LIPA: variants seen among roughly 807,000 people sequenced by gnomAD.
LIPA encodes the protein lysosomal acid lipase/cholesteryl ester hydrolase.
A neutral mutation model predicts 40.6 loss-of-function variants in LIPA; 26 were observed. That is an observed-to-expected ratio of 0.64 (90% confidence interval 0.47 to 0.89). The LOEUF (loss-of-function observed/expected upper bound fraction) is 0.89. LIPA is among the 40% of genes least tolerant of loss of function. The pLI is 0.00. For missense variants in LIPA, 455 were observed against 479.6 expected (o/e 0.95, Z 0.48); for synonymous variants, 188 against 168.4 (o/e 1.12, Z -0.90).
intron 2 of LIPA, chr10:89,403,580 A>C: frequency 6.2e-7 from 1 of 1,614,050 alleles, no homozygotes. Flanking sequence ...GAAAGGCATT[A>C]GATCTGGAAA....
chr10:89,332,410 G>A, intron 1 of LIPA: 2 of 1,199,010 alleles, frequency 1.7e-6, no homozygotes, highest in Non-Finnish European at 2.2e-6. Flanking sequence ...CCTGGCGTGA[G>A]TGAGCTCAGT....
chr10:89,384,024 A>G, intron 2 of LIPA: 1 of 1,614,230 alleles, frequency 6.2e-7, no homozygotes, highest in South Asian at 1.1e-5. Flanking sequence ...CTGAAGGAGA[A>G]AAGTACATTG....
chr10:89,403,232 C>CA, intron 2 of LIPA: 1 of 1,614,032 alleles, frequency 6.2e-7, no homozygotes, highest in Non-Finnish European at 8.5e-7. Flanking sequence ...AAAAGCTAGA[C>CA]AAAATGATAA....
chr10:89,266,341 C>CCG (rs1554871426), intron 1 of LIPA, among the ~76,000 whole-genome samples: 3 of 151,994 alleles, frequency 2.0e-5, no homozygotes, highest in African/African-American at 7.2e-5. Flanking sequence ...CATATAAATT[C>CCG]AGTCAAGAAT....
intron 1 of LIPA, among the ~76,000 whole-genome samples, chr10:89,280,351 C>T (rs1380341543): frequency 1.3e-5 from 2 of 152,142 alleles, no homozygotes; most frequent in African/African-American, 4.8e-5. Context: ...AAAAAGTGAA[C>T]GTGCTCTCAG....
chr10:89,322,819 CA>C (rs1843579324), intron 1 of LIPA, among the ~76,000 whole-genome samples: 2 of 152,304 alleles, frequency 1.3e-5, no homozygotes, highest in East Asian at 3.9e-4. Context: ...TGAACTCAGC[CA>C]GTGACCATAG....
At chr10:89,377,967 A>T (rs1589626240) in intron 2 of LIPA, 3 of 610,434 alleles carry the variant, frequency 4.9e-6, no homozygotes, top group East Asian at 2.8e-5. Context: ...TATCATTTTC[A>T]CCCTGCCAAT....
At chr10:89,313,039 C>G (rs1376056286) in intron 1 of LIPA, among the ~76,000 whole-genome samples, 1 of 152,176 alleles carries the variant, frequency 6.6e-6, no homozygotes, top group Non-Finnish European at 1.5e-5. Context: ...TAGTCCAGCA[C>G]TGTCTTACAT....
intron 2 of LIPA, chr10:89,384,777 T>A: frequency 7.0e-7 from 1 of 1,429,728 alleles, no homozygotes; most frequent in Non-Finnish European, 9.6e-7. Flanking sequence ...GTCTTATAAC[T>A]AAATAGAATG....
intron 2 of LIPA, among the ~76,000 whole-genome samples, chr10:89,246,640 T>G (rs1843028372): frequency 1.3e-5 from 2 of 152,252 alleles, no homozygotes; most frequent in Admixed American, 6.5e-5. Context: ...GCAACATCTA[T>G]TTTAAAGTTG....
chr10:89,364,518 T>G (rs1844044635), intron 2 of LIPA, among the ~76,000 whole-genome samples: 1 of 152,120 alleles, frequency 6.6e-6, no homozygotes, highest in South Asian at 2.1e-4. Flanking sequence ...CCCATCTCTC[T>G]CCTATACTTT....
intron 1 of LIPA, among the ~76,000 whole-genome samples, chr10:89,263,233 T>C (rs1843219740): frequency 6.6e-6 from 1 of 152,220 alleles, no homozygotes; most frequent in Non-Finnish European, 1.5e-5. Context: ...GAATTTCTGC[T>C]GGATGACAAC....
chr10:89,329,366 GA>G (rs1843628309), intron 1 of LIPA, among the ~76,000 whole-genome samples: 1 of 152,178 alleles, frequency 6.6e-6, no homozygotes, highest in East Asian at 1.9e-4. Context: ...GAGTGGGATT[GA>G]CCAGAGAGCA....
intron 1 of LIPA, chr10:89,340,386 G>A (rs575579464): frequency 8.1e-5 from 21 of 259,328 alleles, no homozygotes; most frequent in African/African-American, 2.6e-4. Context: ...GTGAAATCCC[G>A]TCTCTACTAA....
At chr10:89,383,331 T>C in intron 2 of LIPA, 3 of 1,611,928 alleles carry the variant, frequency 1.9e-6, no homozygotes, top group Non-Finnish European at 2.5e-6. Flanking sequence ...AAGAATCTGA[T>C]GGAAAGCTTA....
At chr10:89,347,766 A>G (rs1843932184) in intron 2 of LIPA, among the ~76,000 whole-genome samples, 1 of 152,114 alleles carries the variant, frequency 6.6e-6, no homozygotes, top group Non-Finnish European at 1.5e-5. Context: ...TAAACTTTTA[A>G]CCTGGTGGCA....
intron 8 of LIPA, 129 bp from the exon 9 acceptor site, chr10:89,216,138 C>A: frequency 1.4e-6 from 1 of 714,832 alleles, no homozygotes; most frequent in Non-Finnish European, 2.5e-6. Context: ...TCTTCATTTC[C>A]AAGGCATTAT....
intron 1 of LIPA, among the ~76,000 whole-genome samples, chr10:89,334,653 C>T (rs112661708): frequency 0.021 from 3,199 of 151,574 alleles, 125 homozygotes; most frequent in African/African-American, 0.072. Context: ...CCACCACGCC[C>T]GGCTAATTTT....
chr10:89,393,172 T>C, intron 2 of LIPA: 1 of 1,290,536 alleles, frequency 7.7e-7, no homozygotes, highest in Non-Finnish European at 1.0e-6. Context: ...GCAGCCTCTC[T>C]GATGTCTTGT....
Sources: allele counts gnomAD v4.1 joint callset (sites outside exome capture counted in the v4.1 genomes callset), GRCh38; gene constraint gnomAD v4.1.1; transcripts MANE v1.5; gene names NCBI Gene and HGNC (gene_info 2026-07-23, HGNC 2026-07-21).